The following ZNF609 variants were observed in gnomAD, a reference collection of about 807,000 sequenced individuals.
ZNF609 encodes the protein zinc finger protein 609.
A neutral mutation model predicts 109.5 loss-of-function variants in ZNF609; 11 were observed. That is an observed-to-expected ratio of 0.10 (90% CI 0.06 to 0.17). ZNF609 has a LOEUF of 0.17. Ranked by LOEUF, ZNF609 falls within the 10% of genes least tolerant of loss-of-function variation. ZNF609 has a pLI of 1.00. For synonymous variants in ZNF609, 646 were observed against 662.0 expected (o/e 0.98, Z 0.37); for missense variants, 1,559 against 1,772.4 (o/e 0.88, Z 2.16).
At chr15:64,524,300 T>C (rs561557189) in intron 2 of ZNF609, among the ~76,000 whole-genome samples, 1 of 152,256 alleles carries the variant, frequency 6.6e-6, no homozygotes, top group Non-Finnish European at 1.5e-5. Context: ...GCGCAGTGGC[T>C]CACGCCTGTA....
At chr15:64,470,961 G>C (rs1893083150) in intron 1 of ZNF609, among the ~76,000 whole-genome samples, 1 of 152,186 alleles carries the variant, frequency 6.6e-6, no homozygotes, top group South Asian at 2.1e-4. Context: ...AATAGTAAGA[G>C]GATGCTGGTC....
At chr15:64,582,331 T>G (rs1895117478) in intron 2 of ZNF609, among the ~76,000 whole-genome samples, 2 of 152,156 alleles carry the variant, frequency 1.3e-5, no homozygotes, top group South Asian at 4.1e-4. Context: ...ATCTAGTCAA[T>G]TAGAGCTACA....
chr15:64,567,158 TG>T (rs1180457867), intron 2 of ZNF609, among the ~76,000 whole-genome samples: 1 of 152,090 alleles, frequency 6.6e-6, no homozygotes, highest in Non-Finnish European at 1.5e-5. Context: ...ATTCTTTCAG[TG>T]GGGATAGTGT....
chr15:64,605,069 G>A (rs1404675298), intron 2 of ZNF609, among the ~76,000 whole-genome samples: 1 of 152,064 alleles, frequency 6.6e-6, no homozygotes, highest in Admixed American at 6.6e-5. Flanking sequence ...CTGACCTCGT[G>A]ATCCGCCCAC....
chr15:64,626,588 G>T (rs1368766905), intron 3 of ZNF609, among the ~76,000 whole-genome samples: 1 of 152,124 alleles, frequency 6.6e-6, no homozygotes, highest in Non-Finnish European at 1.5e-5. Flanking sequence ...GGGGAATGGA[G>T]GACACTGAGG....
Position 64,604,975 on chromosome 15 carries a change from G to T in ZNF609, c.748-17852G>T, listed in dbSNP as rs188941698. Among the ~76,000 whole-genome samples, 877 of 152,122 alleles carry T rather than the reference G, an allele frequency of 5.8e-3. 12 individuals carry two copies. The highest frequency in any genetic ancestry group is 0.02 in the African/African-American group (843 of 41,500). On this transcript the variant is annotated intron_variant, in intron 2 of 9. Transcript: ENST00000326648. ...GCCTCCTGAGTAGCTGGGATTCCAG[G>T]TGCCCGCCACCACGCCCGGCTAATT...
intron 2 of ZNF609, among the ~76,000 whole-genome samples, chr15:64,567,750 C>T (rs1421647987): frequency 6.6e-6 from 1 of 151,544 alleles, no homozygotes; most frequent in Non-Finnish European, 1.5e-5. Flanking sequence ...CGACCTCTGT[C>T]TCCCGGGTTC....
At chr15:64,620,839 T>G (rs977340404) in intron 2 of ZNF609, among the ~76,000 whole-genome samples, 2 of 152,176 alleles carry the variant, frequency 1.3e-5, no homozygotes, top group African/African-American at 4.8e-5. Context: ...GCCTATAGGC[T>G]AGTTTTCAAG....
intron 2 of ZNF609, among the ~76,000 whole-genome samples, chr15:64,591,225 C>T (rs193094090): frequency 2.6e-5 from 4 of 152,026 alleles, no homozygotes; most frequent in Non-Finnish European, 5.9e-5. Flanking sequence ...GTCAAGAGAT[C>T]GAGACCATCC....
intron 3 of ZNF609, chr15:64,631,309 A>G (rs957358645): frequency 5.9e-6 from 4 of 680,164 alleles, no homozygotes; most frequent in African/African-American, 5.3e-5. Context: ...TGAGTGCTTA[A>G]TGTGCTGAAT....
rs34007985 is a variant in ZNF609 at position 64,641,219 on chromosome 15, C to CTTTT, written c.973+18179_973+18182dup. 3.0e-4 allele frequency among the ~76,000 whole-genome samples: 21 copies of CTTTT among 69,736 alleles called. 1 individual carries two copies. The highest frequency in any genetic ancestry group is 1.4e-3 in the Admixed American group (6 of 4,256). 45.7% of individuals were successfully genotyped at this position (69,736 alleles called of 152,430 possible). On this transcript the variant is annotated intron_variant, in intron 3 of 9. Transcript: ENST00000326648. ...TGGGTGTTAGTTACACTTGTGCTTT[C>CTTTT]TTTTTTTTTTTTTTTGAGATGGAGT...
In ZNF609 at chr15:64,593,735, G is replaced by A. The variant is rs575613444; in HGVS notation, c.748-29092G>A. Among the ~76,000 whole-genome samples, 22 of 152,288 alleles carry A rather than the reference G, an allele frequency of 1.4e-4. No homozygotes were observed. The South Asian group carries it at 2.7e-3, about 19-fold the overall frequency. On this transcript the variant is annotated intron_variant, in intron 2 of 9. Coordinates refer to ENST00000326648, the MANE Select transcript of ZNF609 (RefSeq NM_015042.2). Reference sequence around the variant, plus strand: ...TGTAGGTACAGGGTTTCACCATGTTGCCCAGGCTGGTCTCAAACTCCTAGA... The same window carrying A: ...TGTAGGTACAGGGTTTCACCATGTTACCCAGGCTGGTCTCAAACTCCTAGA...
intron 2 of ZNF609, among the ~76,000 whole-genome samples, chr15:64,586,705 A>T (rs1351158999): frequency 6.6e-6 from 1 of 152,028 alleles, no homozygotes; most frequent in Non-Finnish European, 1.5e-5. Flanking sequence ...CCCTGGTGCC[A>T]AAAAGGTTGG....
chr15:64,534,129 A>G lies in ZNF609; in HGVS notation c.747+33963A>G, dbSNP rs1894101793. On this transcript the variant is annotated intron_variant, in intron 2 of 9. Coordinates refer to ENST00000326648, the MANE Select transcript of ZNF609 (RefSeq NM_015042.2). ...CGGGTTGAAGCGATTATCCTCCCTC[A>G]GCCTCCCGAGTAGCTGGGATTACAG... Among the ~76,000 whole-genome samples, 4 of 149,750 alleles carry G rather than the reference A, an allele frequency of 2.7e-5. No homozygotes were observed. In the South Asian group the frequency reaches 8.4e-4, roughly 32 times the overall value.
At chr15:64,598,734 T>TTGTG (rs201480505) in intron 2 of ZNF609, among the ~76,000 whole-genome samples, 14 of 86,882 alleles carry the variant, frequency 1.6e-4, no homozygotes, top group East Asian at 6.0e-4. Flanking sequence ...TCATACATCT[T>TTGTG]TGTGTGTGTA....
intron 2 of ZNF609, among the ~76,000 whole-genome samples, chr15:64,512,907 C>T (rs1398471103): frequency 2.0e-5 from 3 of 151,936 alleles, no homozygotes; most frequent in Admixed American, 1.3e-4. Flanking sequence ...ATGGGTTTGG[C>T]GTGCAGATTA....
At chr15:64,501,266 G>A (rs1893558446) in intron 2 of ZNF609, 2 of 152,276 alleles carry the variant, frequency 1.3e-5, no homozygotes, top group Non-Finnish European at 2.9e-5. Context: ...GGCTGGATGT[G>A]TATGTTTGGG....
intron 1 of ZNF609, among the ~76,000 whole-genome samples, chr15:64,476,853 G>T (rs1239229818): frequency 6.6e-6 from 1 of 152,146 alleles, no homozygotes; most frequent in Non-Finnish European, 1.5e-5. Context: ...GAGAAGCCCA[G>T]TATCATAACC....
intron 2 of ZNF609, among the ~76,000 whole-genome samples, chr15:64,557,362 AC>A (rs1446470058): frequency 3.3e-5 from 5 of 152,164 alleles, no homozygotes; most frequent in Non-Finnish European, 7.3e-5. Context: ...CTTCTTCTGC[AC>A]CCACTAAAAA....
Sources: allele counts gnomAD v4.1 joint callset (sites outside exome capture counted in the v4.1 genomes callset), GRCh38; gene constraint gnomAD v4.1.1; transcripts MANE v1.5; gene names NCBI Gene and HGNC (gene_info 2026-07-23, HGNC 2026-07-21).